The following PTPN14 variants were observed in gnomAD, a reference collection of about 807,000 sequenced individuals.
The protein encoded by PTPN14 is protein tyrosine phosphatase non-receptor type 14.
PTPN14 carries 53 observed loss-of-function variants against 126.8 expected under a neutral mutation model. The observed-to-expected ratio is 0.42, with a 90% CI of 0.34 to 0.53. The LOEUF (loss-of-function observed/expected upper bound fraction) is 0.53, where lower values mean the gene tolerates loss of function less well. Among genes scored for constraint, PTPN14 ranks in the 20% least tolerant of loss-of-function variants. The probability of loss-of-function intolerance (pLI) is 0.08; values close to 1 mark genes in which losing one functional copy is unlikely to be tolerated. For missense variants in PTPN14, 1,257 were observed against 1,552.9 expected (o/e 0.81, Z 3.20); for synonymous variants, 630 against 599.3 (o/e 1.05, Z -0.75).
chr1:214,385,403 G>A (rs1292018758), intron 12 of PTPN14, among the ~76,000 whole-genome samples: 1 of 151,992 alleles, frequency 6.6e-6, no homozygotes, highest in Non-Finnish European at 1.5e-5. Context: ...CTCTAGATCT[G>A]GTTTCATCAC....
chr1:214,357,221 C>T lies in PTPN14; in HGVS notation c.*701G>A. On this transcript the variant is annotated 3_prime_UTR_variant, in exon 19 of 19. Transcript: ENST00000366956. ...GCACAACACAGAGCTTGTCTTTCGG[C>T]CCCAAAGATGGCAATTACTGCATTG... 2 of 152,110 alleles carry T rather than the reference C, an allele frequency of 1.3e-5. 1 individual carries two copies. The allele number at this position is 152,110 out of a possible 1,614,324, so 9.4% of individuals were successfully genotyped here.
At chr1:214,405,101 C>A (rs1659130513) in intron 5 of PTPN14, among the ~76,000 whole-genome samples, 4 of 152,200 alleles carry the variant, frequency 2.6e-5, no homozygotes, top group Admixed American at 2.6e-4. Flanking sequence ...AAAGGATGGG[C>A]CTTTACATGC....
intron 1 of PTPN14, among the ~76,000 whole-genome samples, chr1:214,482,035 G>A (rs1243819936): frequency 6.6e-6 from 1 of 150,880 alleles, no homozygotes; most frequent in African/African-American, 2.4e-5. Flanking sequence ...TATTACCTGT[G>A]CATGGATACT....
At chr1:214,452,472 G>C (rs775454210) in intron 2 of PTPN14, among the ~76,000 whole-genome samples, 2 of 152,118 alleles carry the variant, frequency 1.3e-5, no homozygotes, top group Admixed American at 1.3e-4. Flanking sequence ...AGATTTTAAC[G>C]GAGAATTTAT....
intron 1 of PTPN14, among the ~76,000 whole-genome samples, chr1:214,482,261 G>A (rs1003618613): frequency 9.1e-6 from 1 of 109,890 alleles, no homozygotes; most frequent in African/African-American, 3.4e-5. Flanking sequence ...GAGTCAGAGG[G>A]TTGTAAAAAA....
At chr1:214,451,551 A>ATT (rs1660273192) in intron 3 of PTPN14, among the ~76,000 whole-genome samples, 1 of 152,146 alleles carries the variant, frequency 6.6e-6, no homozygotes, top group African/African-American at 2.4e-5. Context: ...TAGAGATGAA[A>ATT]TTCTGCCTGG....
At chr1:214,503,095 A>G (rs1654746744) in intron 1 of PTPN14, among the ~76,000 whole-genome samples, 2 of 152,252 alleles carry the variant, frequency 1.3e-5, no homozygotes, top group African/African-American at 2.4e-5. Context: ...TGTGAAAATT[A>G]TACTAGCATA....
intron 10 of PTPN14, among the ~76,000 whole-genome samples, chr1:214,391,704 T>TTA (rs33967619): frequency 7.2e-6 from 1 of 139,326 alleles, no homozygotes; most frequent in East Asian, 2.1e-4. Context: ...AGTGTTACCA[T>TTA]AAAAAAAAAA....
Position 214,390,988 on chromosome 1 carries a change from C to T in PTPN14, c.987G>A (p.Leu329=), listed in dbSNP as rs753047987. Reference sequence around the variant, plus strand: ...TGATCACTGCAGCTTCTATACATACCAGAGAGGATCGGCTCCAGGTGGGCT... The same window carrying T: ...TGATCACTGCAGCTTCTATACATACTAGAGAGGATCGGCTCCAGGTGGGCT... ...RRQPTWSRSS[L]PRQQPYILPP... Residue 329 remains leucine, a splice_region_variant and synonymous_variant, in exon 11 of 19, where the codon CTG becomes CTA. Coordinates refer to ENST00000366956, the MANE Select transcript of PTPN14 (RefSeq NM_005401.5). 2 of 1,562,984 alleles carry T rather than the reference C, an allele frequency of 1.3e-6. No homozygotes were observed. Among genetic ancestry groups the T allele is most frequent in the Non-Finnish European group, 1.8e-6 (2 of 1,142,100 alleles).
intron 7 of PTPN14, among the ~76,000 whole-genome samples, chr1:214,400,323 C>A (rs1359133183): frequency 6.6e-6 from 1 of 152,144 alleles, no homozygotes; most frequent in Non-Finnish European, 1.5e-5. Context: ...TAGGTGGTCA[C>A]CTTAGATATG....
chr1:214,537,706 C>T (rs537564515), intron 1 of PTPN14, among the ~76,000 whole-genome samples: 1 of 152,326 alleles, frequency 6.6e-6, no homozygotes, highest in Non-Finnish European at 1.5e-5. Flanking sequence ...CTTTTACTTT[C>T]TGTCTCTAAC....
intron 18 of PTPN14, among the ~76,000 whole-genome samples, chr1:214,358,815 T>G (rs1170996643): frequency 6.6e-6 from 1 of 151,288 alleles, no homozygotes; most frequent in Non-Finnish European, 1.5e-5. Flanking sequence ...TGATCTCGGC[T>G]CACTGCAACC....
In PTPN14 at chr1:214,372,655, T is replaced by C. The variant is rs1571956213; in HGVS notation, c.3036+56A>G. The stretch of plus-strand genomic sequence containing the variant: ...CAAAGTTGACAGCACAAAGCCCATC[T>C]TCTGGCCACCCTTTCCCCTGGGGAA... On this transcript the variant is annotated intron_variant, in intron 16 of 18. Coordinates refer to ENST00000366956, the MANE Select transcript of PTPN14 (RefSeq NM_005401.5). 15 of 1,612,186 alleles carry C rather than the reference T, an allele frequency of 9.3e-6. No homozygotes were observed. In the East Asian group the frequency reaches 3.3e-4, roughly 36 times the overall value.
chr1:214,515,394 A>C (rs1249009855), intron 1 of PTPN14, among the ~76,000 whole-genome samples: 2 of 152,154 alleles, frequency 1.3e-5, no homozygotes, highest in African/African-American at 4.8e-5. Context: ...TTTTGAAATT[A>C]GAAAATGTGA....
Position 214,409,566 on chromosome 1 carries a change from C to A in PTPN14, c.510+2118G>T, listed in dbSNP as rs148710280. 4.3e-3 allele frequency among the ~76,000 whole-genome samples: 652 copies of A among 152,238 alleles called. 12 individuals carry two copies. The highest frequency in any genetic ancestry group is 3.5e-3 in the Non-Finnish European group (241 of 68,022). On this transcript the variant is annotated intron_variant, in intron 5 of 18. Coordinates refer to ENST00000366956, the MANE Select transcript of PTPN14 (RefSeq NM_005401.5). ...TCTCTTTGACATACCATTTCATTTT[C>A]TTTAGATATATACCCAGAAGTGAGA...
chr1:214,427,058 A>AT (rs1161089768), intron 3 of PTPN14, among the ~76,000 whole-genome samples: 2 of 152,120 alleles, frequency 1.3e-5, no homozygotes, highest in Non-Finnish European at 2.9e-5. Context: ...AGGCGGGCGG[A>AT]TCACAAGGTC....
At chr1:214,497,874 A>G (rs1558130227) in intron 1 of PTPN14, among the ~76,000 whole-genome samples, 1 of 152,210 alleles carries the variant, frequency 6.6e-6, no homozygotes, top group South Asian at 2.1e-4. Context: ...ATATAAAACT[A>G]TATCAGCATG....
chr1:214,547,874 C>A (rs11811925), intron 1 of PTPN14, among the ~76,000 whole-genome samples: 9 of 151,246 alleles, frequency 6.0e-5, no homozygotes, highest in African/African-American at 2.2e-4. Context: ...CACATGGCAG[C>A]TGCCAGCCAA....
intron 17 of PTPN14, among the ~76,000 whole-genome samples, chr1:214,368,036 A>C (rs1396859215): frequency 1.3e-5 from 2 of 152,200 alleles, no homozygotes; most frequent in Non-Finnish European, 2.9e-5. Context: ...CCATTGAGCA[A>C]ATTTCAGTTT....
Sources: gnomAD v4.1 joint callset for allele counts (sites outside exome capture counted in the v4.1 genomes callset) on GRCh38, gnomAD v4.1.1 for gene constraint, MANE v1.5 for transcripts, NCBI Gene and HGNC (gene_info 2026-07-23, HGNC 2026-07-21) for gene names.